The following SH2D1B variants were observed in gnomAD, a reference collection of about 807,000 sequenced individuals.
SH2D1B encodes the protein SH2 domain containing 1B, also known as SH2 domain-containing protein 1B.
SH2D1B carries 11 observed loss-of-function variants against 16.3 expected under a neutral mutation model. The observed-to-expected ratio is 0.67, with a 90% CI of 0.42 to 1.11. The LOEUF (loss-of-function observed/expected upper bound fraction) is 1.11, where lower values mean the gene tolerates loss of function less well. SH2D1B is among the 50% of genes most tolerant of loss of function. The probability of loss-of-function intolerance (pLI) is 0.00; values close to 1 mark genes in which losing one functional copy is unlikely to be tolerated. For synonymous variants in SH2D1B, 55 were observed against 56.1 expected (o/e 0.98, Z 0.09); for missense variants, 123 against 153.1 (o/e 0.80, Z 1.04).
intron 2 of SH2D1B, among the ~76,000 whole-genome samples, chr1:162,401,048 AG>A: frequency 6.6e-6 from 1 of 152,202 alleles, no homozygotes; most frequent in East Asian, 1.9e-4. Context: ...GACTAGAGAA[AG>A]GGGTTGGTGA....
intron 1 of SH2D1B, among the ~76,000 whole-genome samples, chr1:162,403,056 C>G (rs559698770): frequency 1.3e-5 from 2 of 151,960 alleles, no homozygotes; most frequent in South Asian, 2.1e-4. Context: ...TTACAGGCAC[C>G]CACCATCATG....
At chr1:162,402,591 A>G in intron 2 of SH2D1B, 148 bp downstream of exon 2, 1 of 612,556 alleles carries the variant, frequency 1.6e-6, no homozygotes, top group South Asian at 2.4e-5. Flanking sequence ...GGGAAAAACC[A>G]GGTTAACTCG....
At chr1:162,410,209 T>C (rs1345807960) in intron 1 of SH2D1B, among the ~76,000 whole-genome samples, 1 of 152,216 alleles carries the variant, frequency 6.6e-6, no homozygotes, top group African/African-American at 2.4e-5. Flanking sequence ...GCTACAATTC[T>C]GTTAGGCTGG....
At position 162,402,392 on chromosome 1, in the gene SH2D1B, T is replaced by C. The variant is rs543914442; in HGVS notation, c.198+347A>G. 436 of 167,586 alleles carry C rather than the reference T, an allele frequency of 2.6e-3. 2 individuals are homozygous for C. The highest frequency in any genetic ancestry group is 9.8e-3 in the African/African-American group (401 of 40,870). The allele number at this position is 167,586 out of a possible 1,614,324, so 10.4% of individuals were successfully genotyped here. ...TGGGGGTGGTGGCGCGCGCCTGTAG[T>C]CCCAGCTACTTGGGGGGGCGGGGGC... On this transcript the variant is annotated intron_variant, in intron 2 of 3. Transcript: ENST00000367929.
chr1:162,398,041 A>G (rs368341654), intron 3 of SH2D1B, among the ~76,000 whole-genome samples: 2 of 151,982 alleles, frequency 1.3e-5, no homozygotes, highest in Admixed American at 6.6e-5. Context: ...TAGGGAAGGG[A>G]GTTGTATTTT....
intron 3 of SH2D1B, 51 bp downstream of exon 3, chr1:162,398,872 G>T: frequency 6.4e-7 from 1 of 1,560,312 alleles, no homozygotes; most frequent in South Asian, 1.2e-5. Flanking sequence ...GTAAGGCATT[G>T]GTGGAAATAG....
intron 2 of SH2D1B, among the ~76,000 whole-genome samples, chr1:162,400,111 T>A (rs189436): frequency 0.57 from 87,243 of 152,002 alleles, 27,017 homozygotes; most frequent in East Asian, 0.75. Context: ...AAAATATGCA[T>A]TTTGTATACT....
chr1:162,399,150 T>A (rs1391830578), intron 2 of SH2D1B, 63 bp from the exon 3 acceptor site: 3 of 1,508,536 alleles, frequency 2.0e-6, no homozygotes, highest in Non-Finnish European at 2.7e-6. Context: ...ATGTGACACT[T>A]CTCAAAGCAG....
In SH2D1B at chr1:162,396,390, T is replaced by C. The variant is rs546578897; in HGVS notation, c.*890A>G. 21 of 152,350 alleles carry C rather than the reference T, an allele frequency of 1.4e-4. No homozygotes were observed. Among genetic ancestry groups the C allele is most frequent in the Non-Finnish European group, 2.5e-4 (17 of 68,030 alleles). 9.4% of individuals were successfully genotyped at this position (152,350 alleles called of 1,614,324 possible). A position where few individuals can be genotyped will look rare whatever the true frequency, so the allele number is the denominator to read the frequency against. On this transcript the variant is annotated 3_prime_UTR_variant, in exon 4 of 4. Coordinates refer to ENST00000367929, the MANE Select transcript of SH2D1B (RefSeq NM_053282.5). ...CAGCAATGTGCTTCCAGTCAGTTTC[T>C]ATGAACTAGGCACAGCTCTGGGCAG...
intron 1 of SH2D1B, among the ~76,000 whole-genome samples, chr1:162,403,505 AAAAAAAAT>A (rs1410035173): frequency 3.2e-4 from 17 of 53,852 alleles, no homozygotes; most frequent in African/African-American, 1.1e-3. Flanking sequence ...AAAAAAAAAA[AAAAAAAAT>A]ATATATATAT....
At chr1:162,407,255 T>G (rs1648673937) in intron 1 of SH2D1B, among the ~76,000 whole-genome samples, 1 of 152,152 alleles carries the variant, frequency 6.6e-6, no homozygotes, top group African/African-American at 2.4e-5. Context: ...ACAGAGAAAT[T>G]TTAAAGCTGG....
rs2101860010 is a variant in SH2D1B at position 162,402,815 on chromosome 1, T to A, written c.135-13A>T. 6.2e-7 allele frequency: 1 copy of A among 1,607,294 alleles called. No homozygotes were observed. Among genetic ancestry groups the A allele is most frequent in the East Asian group, 2.2e-5 (1 of 44,832 alleles). On this transcript the variant is annotated splice_polypyrimidine_tract_variant and intron_variant, in intron 1 of 3. Transcript: ENST00000367929. ...AATATTTTTAAACCTGTGGAAAAAA[T>A]GACTGTGTGAATCAAAATGTTCTAT...
At chr1:162,403,062 T>C (rs1648561172) in intron 1 of SH2D1B, among the ~76,000 whole-genome samples, 1 of 151,202 alleles carries the variant, frequency 6.6e-6, no homozygotes, top group Non-Finnish European at 1.5e-5. Flanking sequence ...GCACCCACCA[T>C]CATGCCCGTT....
In SH2D1B at chr1:162,402,699, A is replaced by G. The variant is rs145770554; in HGVS notation, c.198+40T>C. 423 of 1,554,780 alleles carry G rather than the reference A, an allele frequency of 2.7e-4. 2 individuals are homozygous for G. In the African/African-American group the frequency reaches 4.7e-3, roughly 17 times the overall value. On this transcript the variant is annotated intron_variant, in intron 2 of 3. Transcript: ENST00000367929. Reference sequence around the variant, plus strand: ...CATGTTCCCAGGTTCTTCTCCCCCAACTTTTGTGTTGTTGTTGTTGTCGTC... The same window carrying G: ...CATGTTCCCAGGTTCTTCTCCCCCAGCTTTTGTGTTGTTGTTGTTGTCGTC...
At chr1:162,398,604 A>G (rs1352528082) in intron 3 of SH2D1B, among the ~76,000 whole-genome samples, 3 of 152,190 alleles carry the variant, frequency 2.0e-5, no homozygotes, top group African/African-American at 7.2e-5. Flanking sequence ...TGATTTTCTC[A>G]TTTGAAAATC....
intron 1 of SH2D1B, among the ~76,000 whole-genome samples, chr1:162,405,907 T>A (rs1648644470): frequency 6.6e-6 from 1 of 152,224 alleles, no homozygotes; most frequent in Non-Finnish European, 1.5e-5. Context: ...GCCCACAGAT[T>A]AGCACGGTCT....
chr1:162,407,951 T>C (rs1648689043), intron 1 of SH2D1B, among the ~76,000 whole-genome samples: 1 of 152,240 alleles, frequency 6.6e-6, no homozygotes, highest in South Asian at 2.1e-4. Flanking sequence ...GTTCCACTTA[T>C]TCTCCTAAAG....
At chr1:162,399,170 A>C in intron 2 of SH2D1B, 83 bp from the exon 3 acceptor site, 1 of 1,366,484 alleles carries the variant, frequency 7.3e-7, no homozygotes, top group South Asian at 1.4e-5. Context: ...GTGGGTTTTC[A>C]GGGCTGCCCT....
At position 162,397,326 on chromosome 1, in the gene SH2D1B, A is replaced by G. The variant is rs375770361; in HGVS notation, c.364-11T>C. 15 of 1,588,190 alleles carry G rather than the reference A, an allele frequency of 9.4e-6. 1 individual carries two copies. Among genetic ancestry groups the G allele is most frequent in the South Asian group, 5.6e-5 (5 of 89,280 alleles). ...ATCGCTGTTACTGTTCTTTGGAGGG[A>G]AAAAAAAAGCAGAAGACCAGCCATG... On this transcript the variant is annotated splice_polypyrimidine_tract_variant and intron_variant, in intron 3 of 3. Transcript: ENST00000367929.
Sources: allele counts gnomAD v4.1 joint callset (sites outside exome capture counted in the v4.1 genomes callset), GRCh38; gene constraint gnomAD v4.1.1; transcripts MANE v1.5; gene names NCBI Gene and HGNC (gene_info 2026-07-23, HGNC 2026-07-21).